Variants in SLAMF7 observed in about 807,000 individuals in gnomAD.
SLAMF7 encodes SLAM family member 7.
In SLAMF7, 26 loss-of-function variants were observed where a neutral mutation model predicts 34.1. The observed-to-expected ratio is 0.76, with a 90% CI of 0.56 to 1.06. The LOEUF (loss-of-function observed/expected upper bound fraction) is 1.06. Among genes scored for constraint, SLAMF7 ranks in the 50% least tolerant of loss-of-function variants. The probability of loss-of-function intolerance (pLI) is 0.00; values close to 1 mark genes in which losing one functional copy is unlikely to be tolerated. For synonymous variants in SLAMF7, 171 were observed against 156.4 expected (o/e 1.09, Z -0.70); for missense variants, 399 against 402.5 (o/e 0.99, Z 0.07).
In SLAMF7 at chr1:160,752,256, GC is replaced by G; in HGVS notation, c.936+9del. 6.2e-7 allele frequency: 1 copy of G among 1,609,450 alleles called. No homozygotes were observed. The highest frequency in any genetic ancestry group is 8.5e-7 in the Non-Finnish European group (1 of 1,176,132). On this transcript the variant is annotated intron_variant, in intron 6 of 6. Coordinates refer to ENST00000368043, the MANE Select transcript of SLAMF7 (RefSeq NM_021181.5). ...GTGGAAATACCGAAAAAGGTAAGAAGCTTTAGAGCTTAACTTCATCTTAATG... is the reference window on the plus strand; with the variant it reads ...GTGGAAATACCGAAAAAGGTAAGAAGTTTAGAGCTTAACTTCATCTTAATG...
At chr1:160,750,787 A>G (rs1664508768) in intron 4 of SLAMF7, 1 of 230,294 alleles carries the variant, frequency 4.3e-6, no homozygotes, top group East Asian at 1.1e-4. Flanking sequence ...AGGTCCCCAC[A>G]GACCAGCATC....
At chr1:160,739,594 A>G in intron 1 of SLAMF7, 1 of 421,098 alleles carries the variant, frequency 2.4e-6, no homozygotes, top group Non-Finnish European at 4.2e-6. Context: ...GAAGGAGCTG[A>G]AAGAAGTGGT....
At chr1:160,740,053 C>T (rs534150295) in intron 1 of SLAMF7, among the ~76,000 whole-genome samples, 1 of 152,192 alleles carries the variant, frequency 6.6e-6, no homozygotes, top group South Asian at 2.1e-4. Flanking sequence ...GGAGTACTAC[C>T]ATGAGGTCCC....
At chr1:160,739,978 A>G (rs936837816) in intron 1 of SLAMF7, among the ~76,000 whole-genome samples, 2 of 152,074 alleles carry the variant, frequency 1.3e-5, no homozygotes, top group Non-Finnish European at 2.9e-5. Flanking sequence ...TTTCTATCCT[A>G]AGGGCTCTCA....
intron 2 of SLAMF7, 149 bp downstream of exon 2, chr1:160,748,663 C>G (rs1017934257): frequency 1.4e-6 from 1 of 727,924 alleles, no homozygotes; most frequent in African/African-American, 1.8e-5. Flanking sequence ...ATGTAGCTGA[C>G]CCCTGAGGTC....
chr1:160,752,206 T>G lies in SLAMF7; in HGVS notation c.894T>G (p.Asp298Glu). ...PHTNRTILKE[D>E]PANTVYSTVE... The stretch of plus-strand genomic sequence containing the variant: ...AAAAGAGAACAATCCTAAAGGAAGA[T>G]CCAGCAAATACGGTTTACTCCACTG... The change falls in exon 6 of 7, where the codon GAT (aspartate) becomes GAG (glutamate). Residue 298 changes from aspartate to glutamate, a missense_variant. By Grantham distance (45) the Asp-to-Glu change is conservative (BLOSUM62 2). Transcript: ENST00000368043. The G allele has an allele frequency of 6.2e-7, 1 of 1,613,354 alleles. No individual in the cohort carries two copies. The highest frequency in any genetic ancestry group is 8.5e-7 in the Non-Finnish European group (1 of 1,179,524).
At chr1:160,751,303 G>A (rs748129253) in intron 4 of SLAMF7, 42 bp from the exon 5 acceptor site, 2 of 1,410,172 alleles carry the variant, frequency 1.4e-6, no homozygotes, top group South Asian at 1.2e-5. Flanking sequence ...AGTGGTGAGT[G>A]GTTGGAGAGG....
intron 4 of SLAMF7, 23 bp from the exon 5 acceptor site, chr1:160,751,318 TTTGA>T: frequency 1.3e-6 from 2 of 1,550,176 alleles, no homozygotes; most frequent in Non-Finnish European, 1.8e-6. Context: ...GAGAGGTGGC[TTTGA>T]TTCTCTCCCA....
chr1:160,750,408 A>G lies in SLAMF7; in HGVS notation c.754A>G (p.Arg252Gly). 6.2e-7 allele frequency: 1 copy of G among 1,613,832 alleles called. No homozygotes were observed. The highest frequency in any genetic ancestry group is 8.5e-7 in the Non-Finnish European group (1 of 1,179,870). ...VLGLFLWFLK[R>G]ERQEEYIEEK... ...GGGGCTATTTCTTTGGTTTCTGAAGAGAGAGAGACAAGAAGGTAGAGCGTG... is the reference window on the plus strand; with the variant it reads ...GGGGCTATTTCTTTGGTTTCTGAAGGGAGAGAGACAAGAAGGTAGAGCGTG... Residue 252 changes from arginine to glycine, a missense_variant, in exon 4 of 7, where the codon AGA becomes GGA. By Grantham distance (125) the Arg-to-Gly change is moderately radical. Transcript: ENST00000368043.
intron 1 of SLAMF7, among the ~76,000 whole-genome samples, chr1:160,746,999 C>G (rs1664184034): frequency 6.6e-6 from 1 of 152,208 alleles, no homozygotes; most frequent in South Asian, 2.1e-4. Flanking sequence ...ATGCTCTCTA[C>G]AGCGGAAAGT....
chr1:160,753,335 A>G lies in SLAMF7; in HGVS notation c.*158A>G. The G allele has an allele frequency of 3.1e-6, 2 of 648,290 alleles. No individual in the cohort carries two copies. The highest frequency in any genetic ancestry group is 2.7e-4 in the Middle Eastern group (1 of 3,768). 40.2% of individuals were successfully genotyped at this position (648,290 alleles called of 1,614,324 possible). On this transcript the variant is annotated 3_prime_UTR_variant, in exon 7 of 7. Transcript: ENST00000368043. ...TAAATTATCTCTGATGCTTCTTTAGATTTAAGAGTTCATAATTCCATCCAC... is the reference window on the plus strand; with the variant it reads ...TAAATTATCTCTGATGCTTCTTTAGGTTTAAGAGTTCATAATTCCATCCAC...
chr1:160,740,491 T>C (rs1162500396), intron 1 of SLAMF7, among the ~76,000 whole-genome samples: 1 of 152,112 alleles, frequency 6.6e-6, no homozygotes, highest in Non-Finnish European at 1.5e-5. Flanking sequence ...GCCTGTGTAG[T>C]GTACCTCCTG....
chr1:160,750,733 T>G (rs1477989096), intron 4 of SLAMF7: 1 of 273,468 alleles, frequency 3.7e-6, no homozygotes, highest in African/African-American at 2.2e-5. Flanking sequence ...CCCACACTGC[T>G]GACTCTGCTC....
At position 160,748,547 on chromosome 1, in the gene SLAMF7, G is replaced by A. The variant is rs559834410; in HGVS notation, c.376+33G>A. 3 of 1,574,454 alleles carry A rather than the reference G, an allele frequency of 1.9e-6. No homozygotes were observed. The African/African-American group carries it at 4.0e-5, about 21-fold the overall frequency. ...AAATCAGTTCCAATGGTGGATGGCT[G>A]CCTTGGTGAGGTGGTGAGCTCCTTG... On this transcript the variant is annotated intron_variant, in intron 2 of 6. Coordinates refer to ENST00000368043, the MANE Select transcript of SLAMF7 (RefSeq NM_021181.5).
intron 5 of SLAMF7, chr1:160,751,899 T>TATATAC (rs1419485176): frequency 4.6e-5 from 6 of 130,030 alleles, no homozygotes; most frequent in African/African-American, 1.8e-4. Context: ...TATATATATA[T>TATATAC]ATACACACAC....
rs140266644 is a variant in SLAMF7, at chr1:160,750,001, G to A, written c.557G>A (p.Trp186Ter). 6.2e-7 allele frequency: 1 copy of A among 1,614,124 alleles called. No homozygotes were observed. The highest frequency in any genetic ancestry group is 1.1e-5 in the South Asian group (1 of 91,078). The change falls in exon 3 of 7, where the codon TGG becomes TAG. Residue 186 changes from tryptophan (W) to a stop codon, truncating the protein, a stop_gained. Coordinates refer to ENST00000368043, the MANE Select transcript of SLAMF7 (RefSeq NM_021181.5). LOFTEE classifies it high-confidence loss of function. ...NGSILPISWR[W>*]GESDMTFICV... ...TCCATCCTCCCCATCTCCTGGAGATGGGGAGAAAGTGATATGACCTTCATC... is the reference window on the plus strand; with the variant it reads ...TCCATCCTCCCCATCTCCTGGAGATAGGGAGAAAGTGATATGACCTTCATC...
intron 1 of SLAMF7, 21 bp from the exon 2 acceptor site, chr1:160,748,173 T>C (rs1664279911): frequency 6.2e-7 from 1 of 1,608,326 alleles, no homozygotes; most frequent in Non-Finnish European, 8.5e-7. Flanking sequence ...AGGCTTATTT[T>C]ATGGTTCTCT....
rs1663542225 is a variant in SLAMF7 at position 160,739,308 on chromosome 1, G to GAA, written c.7_8insAA (p.Gly3GlufsTer25). 3.1e-6 allele frequency: 5 copies of GAA among 1,613,812 alleles called. No individual in the cohort carries two copies. The highest frequency in any genetic ancestry group is 4.2e-6 in the Non-Finnish European group (5 of 1,179,876). The stretch of plus-strand genomic sequence containing the variant: ...CTGACTTCCAGAGAGCAATATGGCT[G>GAA]GTTCCCCAACATGCCTCACCCTCAT... On this transcript the variant is annotated frameshift_variant, in exon 1 of 7. Coordinates refer to ENST00000368043, the MANE Select transcript of SLAMF7 (RefSeq NM_021181.5). LOFTEE classifies it high-confidence loss of function.
rs769783823 is a variant in SLAMF7 at position 160,739,359 on chromosome 1, G to A, written c.55+3G>A. The A allele has an allele frequency of 1.2e-6, 2 of 1,612,312 alleles. No homozygotes were observed. The highest frequency in any genetic ancestry group is 1.7e-6 in the Non-Finnish European group (2 of 1,179,024). Reference sequence around the variant, plus strand: ...CTATATCCTTTGGCAGCTCACAGGTGAGTCCGGCCGGATTCTCTTCCACTC... The same window carrying A: ...CTATATCCTTTGGCAGCTCACAGGTAAGTCCGGCCGGATTCTCTTCCACTC... On this transcript the variant is annotated splice_donor_region_variant and intron_variant, in intron 1 of 6. Coordinates refer to ENST00000368043, the MANE Select transcript of SLAMF7 (RefSeq NM_021181.5).
Sources: allele counts gnomAD v4.1 joint callset (sites outside exome capture counted in the v4.1 genomes callset), GRCh38; gene constraint gnomAD v4.1.1; transcripts MANE v1.5; gene names NCBI Gene and HGNC (gene_info 2026-07-23, HGNC 2026-07-21).